The following NOTCH4 variants were observed in gnomAD, a reference collection of about 807,000 sequenced individuals.
NOTCH4 encodes the protein notch receptor 4.
Under a neutral mutation model 189.0 loss-of-function variants are expected in NOTCH4, and 138 were observed. The observed-to-expected ratio is 0.73, with a 90% CI of 0.64 to 0.84. NOTCH4 has a LOEUF of 0.84. NOTCH4 is among the 40% of genes least tolerant of loss of function. NOTCH4 has a pLI of 0.00. For missense variants in NOTCH4, 2,286 were observed against 2,605.4 expected, an observed-to-expected ratio of 0.88 and a Z score of 2.67; for synonymous variants, 942 against 1,032.8, an observed-to-expected ratio of 0.91 and a Z score of 1.69.
Position 32,221,170 on chromosome 6 carries a change from C to T in NOTCH4, c.607G>A (p.Gly203Arg). 6.2e-7 allele frequency: 1 copy of T among 1,613,104 alleles called. No individual in the cohort carries two copies. ...RDVNECFQDP[G>R]PCPKGTSCHN... ...CAGGAGGTGCCTTTGGGGCAGGGTC[C>T]TGGGTCCTGGAAGCACTCGTTGACA... The change falls in exon 4 of 30, where the codon GGA becomes AGA. Residue 203 changes from glycine (G) to arginine (R), a missense_variant. Physicochemically the swap from Gly to Arg is moderately radical, Grantham distance 125. Around this residue, in one of 2 missense-constraint regions of NOTCH4, gnomAD observed 1,903 missense variants for 2,261.9 expected, o/e 0.84. Coordinates refer to ENST00000375023, the MANE Select transcript of NOTCH4 (RefSeq NM_004557.4). The surrounding 1 kb of genome is among the most constrained non-coding windows in gnomAD (Gnocchi z 4.3).
Position 32,210,834 on chromosome 6 carries a change from T to C in NOTCH4, c.2783A>G (p.Gln928Arg). ...CPPGFQGSLC[Q>R]DHVNPCESRP... Reference sequence around the variant, plus strand: ...GGACTCACATGGGTTCACGTGATCCTGGCACAGGCTGCCTTGGAATCCAGG... The same window carrying C: ...GGACTCACATGGGTTCACGTGATCCCGGCACAGGCTGCCTTGGAATCCAGG... Residue 928 changes from glutamine (Q) to arginine (R), a missense_variant, in exon 18 of 30, where the codon CAG becomes CGG. Coordinates refer to ENST00000375023, the MANE Select transcript of NOTCH4 (RefSeq NM_004557.4). This position sits in a 1 kb window ranked among gnomAD's most constrained non-coding sequence, Gnocchi z 4.8. 6.2e-7 allele frequency: 1 copy of C among 1,613,022 alleles called. No homozygotes were observed. The highest frequency in any genetic ancestry group is 8.5e-7 in the Non-Finnish European group (1 of 1,180,000).
Position 32,197,077 on chromosome 6 carries a change from G to A in NOTCH4, c.5053-5C>T. 6.2e-7 allele frequency: 1 copy of A among 1,611,904 alleles called. No homozygotes were observed. Among genetic ancestry groups the A allele is most frequent in the Non-Finnish European group, 8.5e-7 (1 of 1,179,906 alleles). On this transcript the variant is annotated splice_region_variant and splice_polypyrimidine_tract_variant and intron_variant, in intron 27 of 29. Transcript: ENST00000375023. The stretch of plus-strand genomic sequence containing the variant: ...TTGTCTGCTACGGAGCAGAAGCTGG[G>A]GAGACAGAGGGCCAGTGACCCCTGG...
intron 11 of NOTCH4, chr6:32,216,684 A>G (rs1010495383): frequency 1.9e-5 from 11 of 584,774 alleles, no homozygotes; most frequent in East Asian, 2.9e-5. Flanking sequence ...AAGCAAGTGA[A>G]TGCCTTTTCT....
In NOTCH4 at chr6:32,195,278, G is replaced by T; in HGVS notation, c.*159C>A. ...CTTTCCAGAGCTGCAGCTTCTCCAC[G>T]TGGAAGATGTCTGCTCTGGTGGGCA... On this transcript the variant is annotated 3_prime_UTR_variant, in exon 30 of 30. Transcript: ENST00000375023. The surrounding 1 kb of genome is among the most constrained non-coding windows in gnomAD (Gnocchi z 5.4). 1 of 679,810 alleles carries T rather than the reference G, an allele frequency of 1.5e-6. No homozygotes were observed. The highest frequency in any genetic ancestry group is 2.4e-6 in the Non-Finnish European group (1 of 418,516). 42.1% of individuals were successfully genotyped at this position (679,810 alleles called of 1,614,324 possible).
Position 32,212,415 on chromosome 6 carries a change from C to G in NOTCH4, c.2680+59G>C. On this transcript the variant is annotated intron_variant, in intron 17 of 29. Transcript: ENST00000375023. The surrounding 1 kb of genome is among the most constrained non-coding windows in gnomAD (Gnocchi z 4.4). ...TGTGTGGAAGCCCACAGGAACGGGG[C>G]AGGTGAGAACACCCATATTTTCTTC... is the stretch of plus-strand genomic sequence containing the variant. 3 of 1,504,992 alleles carry G rather than the reference C, an allele frequency of 2.0e-6. No homozygotes were observed. The highest frequency in any genetic ancestry group is 2.7e-6 in the Non-Finnish European group (3 of 1,114,174). The allele number at this position is 1,504,992 out of a possible 1,614,324, so 93.2% of individuals were successfully genotyped here. A position where few individuals can be genotyped will look rare whatever the true frequency, so the allele number is the denominator to read the frequency against.
In NOTCH4 at chr6:32,199,116, C is replaced by G. The variant is rs765255124; in HGVS notation, c.4345G>C (p.Val1449Leu). The change falls in exon 24 of 30, where the codon GTG (valine) becomes CTG (leucine). Residue 1449 changes from valine (V) to leucine (L), a missense_variant. By Grantham distance (32) the Val-to-Leu change is conservative. Transcript: ENST00000375023. The surrounding 1 kb of genome is among the most constrained non-coding windows in gnomAD (Gnocchi z 4.9). ...APPANQLPWP[V>L]LCSPVAGVIL... Reference sequence around the variant, plus strand: ...ACCCCGGCCACTGGGGAGCACAGCACAGGCCAGGGAAGCTGGTTGGCAGGG... The same window carrying G: ...ACCCCGGCCACTGGGGAGCACAGCAGAGGCCAGGGAAGCTGGTTGGCAGGG... The G allele has an allele frequency of 2.5e-6, 4 of 1,609,126 alleles. No individual in the cohort carries two copies. The Admixed American group carries it at 6.8e-5, about 27-fold the overall frequency.
intron 18 of NOTCH4, among the ~76,000 whole-genome samples, chr6:32,205,576 T>G (rs1398555412): frequency 9.7e-6 from 1 of 103,106 alleles, no homozygotes. Context: ...AAAAAAAGAA[T>G]AAGTAAAGCT....
rs544242944 is a variant in NOTCH4, at chr6:32,220,946, G to C, written c.799+32C>G. The stretch of plus-strand genomic sequence containing the variant: ...AGACATCCTGCCCTGCCCAGAGAGA[G>C]GGGCGGCCGGAGAGCCCCTGTGAGG... On this transcript the variant is annotated intron_variant, in intron 4 of 29. Transcript: ENST00000375023. 3.8e-6 allele frequency: 6 copies of C among 1,593,280 alleles called. No homozygotes were observed. In the South Asian group the frequency reaches 6.8e-5, roughly 18 times the overall value.
In NOTCH4 at chr6:32,213,172, G is replaced by T. The variant is rs369297005; in HGVS notation, c.2401C>A (p.Arg801Ser). The T allele has an allele frequency of 3.7e-6, 6 of 1,613,790 alleles. No individual in the cohort carries two copies. Among genetic ancestry groups the T allele is most frequent in the African/African-American group, 2.7e-5 (2 of 74,890 alleles). Residue 801 changes from arginine (R) to serine (S), a missense_variant, in exon 15 of 30, where the codon CGC (arginine) becomes AGC (serine). This residue lies in a region of NOTCH4 where 1,903 missense variants were observed against 2,261.9 expected (regional missense o/e 0.84). Transcript: ENST00000375023. ...CTGGGGCGGAGCTTTCCCTCACAGC[G>T]CGGGCCCTGGAAGCCCATGGCACAG... ...CLCAMGFQGP[R>S]CEGKLRPSCA... is the part of the protein sequence containing the mutation.
At position 32,197,462 on chromosome 6, in the gene NOTCH4, G is replaced by A. The variant is rs2127461351; in HGVS notation, c.4889C>T (p.Thr1630Ile). The change falls in exon 27 of 30, where the codon ACC becomes ATC. Residue 1630 changes from threonine (T) to isoleucine (I), a missense_variant. This residue lies in a region of NOTCH4 where 1,903 missense variants were observed against 2,261.9 expected (regional missense o/e 0.84). Transcript: ENST00000375023. ...CAGGGGGGTCTCCCCAGTGCCCACGGTGTGAGCCTGGGGACAGGCCCCTCC... is the reference window on the plus strand; with the variant it reads ...CAGGGGGGTCTCCCCAGTGCCCACGATGTGAGCCTGGGGACAGGCCCCTCC... Reference protein sequence around the residue: ...LDGGACPQAHTVGTGETPLHL... With the variant: ...LDGGACPQAHIVGTGETPLHL... 6.3e-7 allele frequency: 1 copy of A among 1,586,058 alleles called. No homozygotes were observed. The highest frequency in any genetic ancestry group is 1.7e-4 in the Middle Eastern group (1 of 5,908).
rs1401955695 is a variant in NOTCH4 at position 32,197,451 on chromosome 6, C to T, written c.4900G>A (p.Gly1634Arg). 6.4e-7 allele frequency: 1 copy of T among 1,573,396 alleles called. No homozygotes were observed. Among genetic ancestry groups the T allele is most frequent in the South Asian group, 1.2e-5 (1 of 85,578 alleles). ...ACPQAHTVGT[G>R]ETPLHLAARF... ...GCAGCCAGGTGCAGGGGGGTCTCCC[C>T]AGTGCCCACGGTGTGAGCCTGGGGA... Residue 1634 changes from glycine to arginine, a missense_variant, in exon 27 of 30, where the codon GGG becomes AGG. Coordinates refer to ENST00000375023, the MANE Select transcript of NOTCH4 (RefSeq NM_004557.4).
Position 32,198,042 on chromosome 6 carries a change from C to G in NOTCH4, c.4756+379G>C, listed in dbSNP as rs960434723. Among the ~76,000 whole-genome samples, 2 of 151,754 alleles carry G rather than the reference C, an allele frequency of 1.3e-5. No homozygotes were observed. Among genetic ancestry groups the G allele is most frequent in the African/African-American group, 4.8e-5 (2 of 41,304 alleles). On this transcript the variant is annotated intron_variant, in intron 26 of 29. Transcript: ENST00000375023. The surrounding 1 kb of genome is among the most constrained non-coding windows in gnomAD (Gnocchi z 5.5). ...TTCACTGTGTTAGCCAGGATGGTCTCGATCTCCTGACCTTGTGATCCACCC... is the reference window on the plus strand; with the variant it reads ...TTCACTGTGTTAGCCAGGATGGTCTGGATCTCCTGACCTTGTGATCCACCC...
chr6:32,200,779 T>G lies in NOTCH4; in HGVS notation c.4315+52A>C. ...CAGCCTCCATTGCCTGTTGCTAGCA[T>G]GAGAGCTGGCCTGGGAACAGAGGTC... is the stretch of plus-strand genomic sequence containing the variant. On this transcript the variant is annotated intron_variant, in intron 23 of 29. Transcript: ENST00000375023. This position sits in a 1 kb window ranked among gnomAD's most constrained non-coding sequence, Gnocchi z 5.0. 2.7e-4 allele frequency: 386 copies of G among 1,448,680 alleles called. No individual in the cohort carries two copies. Among genetic ancestry groups the G allele is most frequent in the Non-Finnish European group, 3.3e-4 (356 of 1,076,354 alleles). 89.7% of individuals were successfully genotyped at this position (1,448,680 alleles called of 1,614,324 possible). A position where few individuals can be genotyped will look rare whatever the true frequency, so the allele number is the denominator to read the frequency against.
In NOTCH4 at chr6:32,223,059, G is replaced by T. The variant is rs1450901894; in HGVS notation, c.101C>A (p.Pro34His). Reference sequence around the variant, plus strand: ...CAGGCAGGTGCCTCCATTGGCACAGGGTTCTGGGAAACTCCCACACAGCAG... The same window carrying T: ...CAGGCAGGTGCCTCCATTGGCACAGTGTTCTGGGAAACTCCCACACAGCAG... ...RGLLCGSFPEPCANGGTCLSL... is the reference protein window; with the variant it reads ...RGLLCGSFPEHCANGGTCLSL... The change falls in exon 2 of 30, where the codon CCC becomes CAC. Residue 34 changes from proline (P) to histidine (H), a missense_variant. Pro to His is a moderately conservative substitution (Grantham distance 77, BLOSUM62 -2). Transcript: ENST00000375023. 6.2e-7 allele frequency: 1 copy of T among 1,613,842 alleles called. No individual in the cohort carries two copies. The highest frequency in any genetic ancestry group is 8.5e-7 in the Non-Finnish European group (1 of 1,179,978).
rs964712324 is a variant in NOTCH4 at position 32,196,122 on chromosome 6, C to G, written c.5327G>C (p.Arg1776Pro). The G allele has an allele frequency of 6.3e-7, 1 of 1,589,498 alleles. No individual in the cohort carries two copies. Among genetic ancestry groups the G allele is most frequent in the Non-Finnish European group, 8.5e-7 (1 of 1,174,954 alleles). ...CTGGGCTACTTCCACCGCTCCTTCC[C>G]GCGCCGCCAGGAATAGCGGCGTCTG... The part of the protein sequence containing the change: ...REQTPLFLAA[R>P]EGAVEVAQLL... The change falls in exon 30 of 30, where the codon CGG (arginine) becomes CCG (proline). Residue 1776 changes from arginine (R) to proline (P), a missense_variant. Coordinates refer to ENST00000375023, the MANE Select transcript of NOTCH4 (RefSeq NM_004557.4).
intron 12 of NOTCH4, 99 bp downstream of exon 12, chr6:32,215,127 T>C: frequency 8.7e-7 from 1 of 1,148,594 alleles, no homozygotes; most frequent in South Asian, 1.7e-5. Flanking sequence ...TCCCCATTGG[T>C]CATTTCTCAC....
Position 32,195,814 on chromosome 6 carries a change from C to G in NOTCH4, c.5635G>C (p.Ala1879Pro), listed in dbSNP as rs564772335. The G allele has an allele frequency of 4.6e-5, 74 of 1,601,618 alleles. No homozygotes were observed. The East Asian group carries it at 1.2e-3, about 27-fold the overall frequency. ...GCCAAGTCTACGGACCAAGTCCGAG[C>G]CTGCAGACAAGCTCCGCCCCCACGA... ...GPRGGGACLQ[A>P]RTWSVDLAAR... The change falls in exon 30 of 30, where the codon GCT (alanine) becomes CCT (proline). Residue 1879 changes from alanine to proline, a missense_variant. Around this residue, in one of 2 missense-constraint regions of NOTCH4, gnomAD observed 383 missense variants for 343.5 expected, o/e 1.11. Transcript: ENST00000375023. This position sits in a 1 kb window ranked among gnomAD's most constrained non-coding sequence, Gnocchi z 5.4.
rs1312684058 is a variant in NOTCH4, at chr6:32,210,598, A to G, written c.2865+154T>C. 1.3e-5 allele frequency among the ~76,000 whole-genome samples: 2 copies of G among 152,198 alleles called. No individual in the cohort carries two copies. The highest frequency in any genetic ancestry group is 2.9e-5 in the Non-Finnish European group (2 of 68,026). On this transcript the variant is annotated intron_variant, in intron 18 of 29. Transcript: ENST00000375023. This position sits in a 1 kb window ranked among gnomAD's most constrained non-coding sequence, Gnocchi z 4.8. ...CAGACTTGAGAAAACTTCAGGAGATAAAGTGGCATGACTTTGTGGTTAGTT... is the reference window on the plus strand; with the variant it reads ...CAGACTTGAGAAAACTTCAGGAGATGAAGTGGCATGACTTTGTGGTTAGTT...
chr6:32,215,491 C>T (rs1789344441), intron 11 of NOTCH4, 106 bp from the exon 12 acceptor site: 8 of 1,142,484 alleles, frequency 7.0e-6, no homozygotes, highest in Non-Finnish European at 8.6e-6. Flanking sequence ...GCTTGCCTTA[C>T]TCACTCCCTA....
Sources: gnomAD v4.1 joint callset for allele counts (sites outside exome capture counted in the v4.1 genomes callset) on GRCh38, gnomAD v4.1.1 for gene constraint, gnomAD v4.1.1 regional missense constraint, Gnocchi (gnomAD v3.1) non-coding constraint, MANE v1.5 for transcripts, NCBI Gene and HGNC (gene_info 2026-07-23, HGNC 2026-07-21) for gene names.